GAREM1: variants seen among roughly 807,000 people sequenced by gnomAD.
GAREM1 encodes the protein GRB2-associated and regulator of MAPK protein 1.
GAREM1 carries 26 observed loss-of-function variants against 71.3 expected under a neutral mutation model. That is an observed-to-expected ratio of 0.36 (90% CI 0.27 to 0.51). GAREM1 has a LOEUF of 0.51. GAREM1 is among the 20% of genes least tolerant of loss of function. GAREM1 has a pLI of 0.95. For missense variants in GAREM1, 1,026 were observed against 1,103.1 expected, an observed-to-expected ratio of 0.93 and a Z score of 0.99; for synonymous variants, 440 against 433.2, an observed-to-expected ratio of 1.02 and a Z score of -0.20.
At chr18:32,442,178 A>G (rs2048744780) in intron 1 of GAREM1, among the ~76,000 whole-genome samples, 1 of 152,158 alleles carries the variant, frequency 6.6e-6, no homozygotes, top group Admixed American at 6.6e-5. Flanking sequence ...GCTTGATACA[A>G]TGCCCACTGC....
At chr18:32,392,829 GA>G in intron 2 of GAREM1, 65 bp downstream of exon 2, 1 of 1,531,906 alleles carries the variant, frequency 6.5e-7, no homozygotes, top group Non-Finnish European at 8.9e-7. Context: ...ATTCTTAGAG[GA>G]AAAGTTTAGC....
intron 1 of GAREM1, among the ~76,000 whole-genome samples, chr18:32,442,642 A>G (rs2048749629): frequency 1.3e-5 from 2 of 152,194 alleles, no homozygotes; most frequent in Non-Finnish European, 2.9e-5. Context: ...TATGTATGTT[A>G]ACTTTCAGCA....
At chr18:32,363,173 A>G in intron 2 of GAREM1, among the ~76,000 whole-genome samples, 1 of 151,928 alleles carries the variant, frequency 6.6e-6, no homozygotes, top group South Asian at 2.1e-4. Flanking sequence ...AAGTATACCA[A>G]TGTTTCTTAT....
intron 1 of GAREM1, among the ~76,000 whole-genome samples, chr18:32,468,267 A>G (rs2049016688): frequency 6.6e-6 from 1 of 152,232 alleles, no homozygotes; most frequent in Non-Finnish European, 1.5e-5. Context: ...CAGCTTAATA[A>G]TGTCCACAAT....
rs2041351002 is a variant in GAREM1, at chr18:32,264,808, G to A, written c.*3063C>T. 1.3e-5 allele frequency: 2 copies of A among 152,208 alleles called. No individual in the cohort carries two copies. The highest frequency in any genetic ancestry group is 4.8e-5 in the African/African-American group (2 of 41,448). 9.4% of individuals were successfully genotyped at this position (152,208 alleles called of 1,614,324 possible). ...CAGGTCCACATTATACATTTTAGTT[G>A]CTTGGCTTGGTTTATTGCTGATTTT... On this transcript the variant is annotated 3_prime_UTR_variant, in exon 6 of 6. Coordinates refer to ENST00000269209, the MANE Select transcript of GAREM1 (RefSeq NM_001242409.2).
At chr18:32,342,760 G>A (rs577093186) in intron 2 of GAREM1, among the ~76,000 whole-genome samples, 1 of 152,306 alleles carries the variant, frequency 6.6e-6, no homozygotes, top group South Asian at 2.1e-4. Context: ...ACATCCAAAT[G>A]TCTGTTGAAT....
intron 2 of GAREM1, among the ~76,000 whole-genome samples, chr18:32,340,590 C>T (rs145155961): frequency 1.3e-5 from 2 of 152,320 alleles, no homozygotes; most frequent in African/African-American, 4.8e-5. Flanking sequence ...ACTCTTCCAT[C>T]TCTCTTCCTT....
rs776060659 is a variant in GAREM1 at position 32,470,474 on chromosome 18, G to A, written c.-46C>T. 9.5e-5 allele frequency: 118 copies of A among 1,240,220 alleles called. No homozygotes were observed. The highest frequency in any genetic ancestry group is 1.1e-4 in the Non-Finnish European group (108 of 980,998). 76.8% of individuals were successfully genotyped at this position (1,240,220 alleles called of 1,614,324 possible). ...CCGCGCTCCCCCGCCGCCGCCACCG[G>A]CACCACCCGCGCCTCGGCGGCCGCC... On this transcript the variant is annotated 5_prime_UTR_variant, in exon 1 of 6. Transcript: ENST00000269209. The surrounding 1 kb of genome is among the most constrained non-coding windows in gnomAD (Gnocchi z 4.4).
At chr18:32,278,961 G>C (rs1349598056) in intron 4 of GAREM1, among the ~76,000 whole-genome samples, 1 of 152,068 alleles carries the variant, frequency 6.6e-6, no homozygotes, top group Non-Finnish European at 1.5e-5. Flanking sequence ...TCAGGCAAGG[G>C]AGGCCCAGGG....
At chr18:32,435,882 C>T (rs564213800) in intron 1 of GAREM1, among the ~76,000 whole-genome samples, 1 of 152,192 alleles carries the variant, frequency 6.6e-6, no homozygotes, top group African/African-American at 2.4e-5. Context: ...ATCTTATTAC[C>T]TTGTGAGAAA....
chr18:32,437,768 T>C (rs1212356963), intron 1 of GAREM1, among the ~76,000 whole-genome samples: 1 of 152,202 alleles, frequency 6.6e-6, no homozygotes, highest in Non-Finnish European at 1.5e-5. Flanking sequence ...CTTTATTTTC[T>C]TATTAAAAGA....
intron 1 of GAREM1, among the ~76,000 whole-genome samples, chr18:32,462,160 A>T (rs2048958815): frequency 6.6e-6 from 1 of 152,234 alleles, no homozygotes; most frequent in Admixed American, 6.5e-5. Context: ...ATCACAAGGT[A>T]ATTCTATTTT....
chr18:32,444,289 T>C (rs1285976066), intron 1 of GAREM1, among the ~76,000 whole-genome samples: 1 of 152,186 alleles, frequency 6.6e-6, no homozygotes, highest in African/African-American at 2.4e-5. Context: ...CAATAAAACA[T>C]GTTAATAAAA....
At chr18:32,339,989 G>C (rs951926539) in intron 2 of GAREM1, among the ~76,000 whole-genome samples, 2 of 152,140 alleles carry the variant, frequency 1.3e-5, no homozygotes, top group African/African-American at 4.8e-5. Context: ...CTATAATCAT[G>C]GCCTTGGCTA....
chr18:32,453,682 T>C (rs2048862707), intron 1 of GAREM1, among the ~76,000 whole-genome samples: 1 of 152,206 alleles, frequency 6.6e-6, no homozygotes, highest in African/African-American at 2.4e-5. Flanking sequence ...CTTAAGACTG[T>C]TAATTACATT....
chr18:32,386,387 G>T (rs1462946972), intron 2 of GAREM1, among the ~76,000 whole-genome samples: 1 of 152,156 alleles, frequency 6.6e-6, no homozygotes, highest in African/African-American at 2.4e-5. Flanking sequence ...ATAAATCCAG[G>T]TGCTTGCTGA....
chr18:32,389,599 G>A (rs899969821), intron 2 of GAREM1, among the ~76,000 whole-genome samples: 4 of 152,018 alleles, frequency 2.6e-5, no homozygotes, highest in Admixed American at 6.6e-5. Context: ...CTGTTTATTA[G>A]CTGCCCTAAA....
Position 32,287,164 on chromosome 18 carries a change from C to T in GAREM1, c.1433G>A (p.Cys478Tyr), listed in dbSNP as rs1412753708. The change falls in exon 4 of 6, where the codon TGT becomes TAT. Residue 478 changes from cysteine (C) to tyrosine (Y), a missense_variant. Coordinates refer to ENST00000269209, the MANE Select transcript of GAREM1 (RefSeq NM_001242409.2). The surrounding 1 kb of genome is among the most constrained non-coding windows in gnomAD (Gnocchi z 5.9). ...TCGGACAGAACCTCTAAACTGATCA[C>T]ATCTGTTCTTCTCGCTCAGAGAGCG... ...LTRSLSEKNR[C>Y]DQFRGSVRSK... 6 of 1,614,136 alleles carry T rather than the reference C, an allele frequency of 3.7e-6. No homozygotes were observed. The highest frequency in any genetic ancestry group is 2.2e-5 in the East Asian group (1 of 44,894).
At chr18:32,404,367 T>A (rs1022489426) in intron 1 of GAREM1, among the ~76,000 whole-genome samples, 2 of 152,144 alleles carry the variant, frequency 1.3e-5, no homozygotes, top group Non-Finnish European at 2.9e-5. Context: ...AGTTTTCTCT[T>A]AAGGTTGGGA....
Sources: gnomAD v4.1 joint callset for allele counts (sites outside exome capture counted in the v4.1 genomes callset) on GRCh38, gnomAD v4.1.1 for gene constraint, Gnocchi (gnomAD v3.1) non-coding constraint, MANE v1.5 for transcripts, NCBI Gene and HGNC (gene_info 2026-07-23, HGNC 2026-07-21) for gene names.